The following C11orf65 variants were observed in gnomAD, a reference collection of about 807,000 sequenced individuals.
The protein encoded by C11orf65 is chromosome 11 open reading frame 65, also known as protein MFI.
A neutral mutation model predicts 35.3 loss-of-function variants in C11orf65; 38 were observed. The observed-to-expected ratio is 1.08, with a 90% confidence interval of 0.83 to 1.41. The LOEUF (loss-of-function observed/expected upper bound fraction) is 1.41, where lower values mean the gene tolerates loss of function less well. Ranked by LOEUF, C11orf65 falls within the 40% of genes most tolerant of loss-of-function variation. The pLI is 0.00. For missense variants in C11orf65, 370 were observed against 367.1 expected, an observed-to-expected ratio of 1.01 and a Z score of -0.06; for synonymous variants, 105 against 114.4, an observed-to-expected ratio of 0.92 and a Z score of 0.53.
intron 2 of C11orf65, among the ~76,000 whole-genome samples, chr11:108,344,187 G>A (rs993073797): frequency 6.6e-6 from 1 of 152,190 alleles, no homozygotes; most frequent in African/African-American, 2.4e-5. Context: ...ATGGAAGTCT[G>A]TACAGGGCAC....
chr11:108,347,987 T>G (rs1450529365), intron 2 of C11orf65, among the ~76,000 whole-genome samples: 2 of 152,170 alleles, frequency 1.3e-5, no homozygotes, highest in East Asian at 3.9e-4. Flanking sequence ...GAAACCAGAA[T>G]ATTGGATTTG....
At chr11:108,309,062 A>T (rs1164695001) in exon 7 of C11orf65, 1 of 1,500,080 alleles carries the variant, frequency 6.7e-7, no homozygotes, top group African/African-American at 1.4e-5. Flanking sequence ...TAAGATCCTG[A>T]AGAATATTCC....
At chr11:108,359,392 T>C (rs878899288) in intron 2 of C11orf65, among the ~76,000 whole-genome samples, 14 of 151,766 alleles carry the variant, frequency 9.2e-5, no homozygotes, top group East Asian at 5.8e-4. Context: ...ATCAACGAGA[T>C]AAAAAGTCAA....
At chr11:108,469,569 T>C (rs1246587344), upstream of C11orf65, among the ~76,000 whole-genome samples, 1 of 151,900 alleles carries the variant, frequency 6.6e-6, no homozygotes, top group Non-Finnish European at 1.5e-5. Context: ...ATATTTTTAA[T>C]GTAGTGCTTA....
intron 2 of C11orf65, among the ~76,000 whole-genome samples, chr11:108,347,614 T>A (rs948250565): frequency 1.3e-5 from 2 of 152,022 alleles, no homozygotes; most frequent in African/African-American, 4.8e-5. Flanking sequence ...AAAGCATAAT[T>A]CAGACAGAAG....
chr11:108,452,461 C>G (rs2093361052), intron 2 of C11orf65, among the ~76,000 whole-genome samples: 1 of 152,196 alleles, frequency 6.6e-6, no homozygotes, highest in South Asian at 2.1e-4. Flanking sequence ...TACCATCTCA[C>G]ACCAGTAAGA....
chr11:108,329,320 C>A, downstream of C11orf65: 1 of 1,244,974 alleles, frequency 8.0e-7, no homozygotes, highest in Non-Finnish European at 1.2e-6. Flanking sequence ...GTGACTTGGT[C>A]TTTTTATCTG....
intron 6 of C11orf65, among the ~76,000 whole-genome samples, chr11:108,398,693 TC>T (rs1259545846): frequency 6.6e-6 from 1 of 152,202 alleles, no homozygotes; most frequent in African/African-American, 2.4e-5. Flanking sequence ...GCCAGCTGTT[TC>T]TAGGTGATGG....
chr11:108,436,835 GA>G (rs764915098), intron 2 of C11orf65, among the ~76,000 whole-genome samples: 1 of 151,982 alleles, frequency 6.6e-6, no homozygotes, highest in African/African-American at 2.4e-5. Flanking sequence ...GCTGAGGGGG[GA>G]AAAATCCCAA....
rs548095257 is a variant in C11orf65, at chr11:108,448,402, C to T, written c.81+13077G>A. On this transcript the variant is annotated intron_variant, in intron 2 of 8. Coordinates refer to ENST00000393084, the MANE Select transcript of C11orf65 (RefSeq NM_152587.5). ...AATCCTCAATAAAATACTGGCCAAC[C>T]AAATCCAGCAGCACATCAAAAAGCT... Among the ~76,000 whole-genome samples, 51 of 152,242 alleles carry T rather than the reference C, an allele frequency of 3.3e-4. 1 individual carries two copies. In the East Asian group the frequency reaches 9.1e-3, roughly 27 times the overall value.
chr11:108,422,842 A>G (rs2092839018), intron 3 of C11orf65, among the ~76,000 whole-genome samples: 1 of 151,432 alleles, frequency 6.6e-6, no homozygotes, highest in African/African-American at 2.4e-5. Flanking sequence ...AGATCGCACC[A>G]TGGGACTCCA....
intron 2 of C11orf65, among the ~76,000 whole-genome samples, chr11:108,373,907 G>A (rs558787198): frequency 2.0e-5 from 3 of 152,224 alleles, no homozygotes; most frequent in Admixed American, 6.5e-5. Flanking sequence ...CTACGCCCAC[G>A]GAGTCTTGCT....
intron 2 of C11orf65, among the ~76,000 whole-genome samples, chr11:108,348,557 A>G (rs1220188628): frequency 6.6e-6 from 1 of 151,954 alleles, no homozygotes. Flanking sequence ...AGACAGTTTA[A>G]TATATAAGAA....
chr11:108,421,785 G>A (rs2092820808), intron 3 of C11orf65, among the ~76,000 whole-genome samples: 1 of 152,208 alleles, frequency 6.6e-6, no homozygotes, highest in African/African-American at 2.4e-5. Flanking sequence ...CTGCTGCCAA[G>A]CTGGAGAACA....
chr11:108,359,191 A>G (rs373310968), intron 2 of C11orf65, among the ~76,000 whole-genome samples: 4,099 of 150,032 alleles, frequency 0.027, 80 homozygotes, highest in Non-Finnish European at 0.042. Context: ...GATCAAAAGA[A>G]ACAAAGAAGG....
chr11:108,315,766 AAATTT>A lies in C11orf65; in HGVS notation c.641-6700_641-6696del, dbSNP rs2084573595. On this transcript the variant is annotated intron_variant, in intron 6 of 6. Transcript: ENST00000525729. ...GTAATGATACAATTTAAAATTTGCTAAATTTATAGACCGATTTTTTTTCCTTCTTC... is the reference window on the plus strand; with the variant it reads ...GTAATGATACAATTTAAAATTTGCTAATAGACCGATTTTTTTTCCTTCTTC... 1.7e-5 allele frequency: 24 copies of A among 1,417,146 alleles called. 1 individual carries two copies. In the South Asian group the frequency reaches 2.8e-4, roughly 17 times the overall value. The allele number at this position is 1,417,146 out of a possible 1,614,324, so 87.8% of individuals were successfully genotyped here. A position where few individuals can be genotyped will look rare whatever the true frequency, so the allele number is the denominator to read the frequency against.
intron 2 of C11orf65, among the ~76,000 whole-genome samples, chr11:108,443,675 C>A (rs944362181): frequency 2.0e-5 from 3 of 152,114 alleles, no homozygotes; most frequent in Non-Finnish European, 4.4e-5. Flanking sequence ...TCACTCAAAA[C>A]CGCTCAACTA....
intron 1 of C11orf65, among the ~76,000 whole-genome samples, chr11:108,463,115 G>C (rs1177207584): frequency 6.6e-6 from 1 of 152,144 alleles, no homozygotes; most frequent in African/African-American, 2.4e-5. Flanking sequence ...CACAAAATGA[G>C]ACCATGTCTC....
chr11:108,400,855 C>T lies in C11orf65; in HGVS notation c.560+4574G>A, dbSNP rs187440941. On this transcript the variant is annotated intron_variant, in intron 6 of 8. Transcript: ENST00000393084. ...GACGTGGTGGCTCATGCCTGTAATC[C>T]CAGCACTTTGGGAGGCCGAGGCAGG... Among the ~76,000 whole-genome samples the T allele has an allele frequency of 7.0e-4, 107 of 152,256 alleles. 1 individual carries two copies. The highest frequency in any genetic ancestry group is 2.4e-3 in the African/African-American group (101 of 41,542).
Sources: allele counts gnomAD v4.1 joint callset (sites outside exome capture counted in the v4.1 genomes callset), GRCh38; gene constraint gnomAD v4.1.1; transcripts MANE v1.5; gene names NCBI Gene and HGNC (gene_info 2026-07-23, HGNC 2026-07-21).